Variants in RAB25 observed in about 807,000 individuals in gnomAD.
RAB25 encodes the protein ras-related protein Rab-25.
RAB25 carries 23 observed loss-of-function variants against 25.2 expected under a neutral mutation model. The observed-to-expected ratio is 0.91, with a 90% confidence interval of 0.66 to 1.29. The LOEUF is 1.29. Among genes scored for constraint, RAB25 ranks in the 50% most tolerant of loss-of-function variants. The pLI is 0.00. For synonymous variants in RAB25, 102 were observed against 111.5 expected (o/e 0.91, Z 0.54); for missense variants, 244 against 277.3 (o/e 0.88, Z 0.85).
At position 156,064,423 on chromosome 1, in the gene RAB25, CT is replaced by C. The variant is rs1203115407; in HGVS notation, c.44-1475del. Among the ~76,000 whole-genome samples, 381 of 131,464 alleles carry C rather than the reference CT, an allele frequency of 2.9e-3. 1 individual carries two copies. Among genetic ancestry groups the C allele is most frequent in the Non-Finnish European group, 4.0e-3 (243 of 60,422 alleles). The allele number at this position is 131,464 out of a possible 152,430, so 86.2% of individuals were successfully genotyped here. A position where few individuals can be genotyped will look rare whatever the true frequency, so the allele number is the denominator to read the frequency against. On this transcript the variant is annotated intron_variant, in intron 1 of 4. Transcript: ENST00000361084. ...ACTTGGCTAATTTTTTTTTCTTTTT[CT>C]TTTTTTTTTTTTGAGTCGGAGTTTC...
At chr1:156,063,339 G>C (rs923040529) in intron 1 of RAB25, among the ~76,000 whole-genome samples, 9 of 152,128 alleles carry the variant, frequency 5.9e-5, no homozygotes, top group Non-Finnish European at 1.3e-4. Context: ...TTTTAGTAGA[G>C]ACAGGGTTTC....
At chr1:156,064,136 A>G (rs914353617) in intron 1 of RAB25, among the ~76,000 whole-genome samples, 3 of 149,860 alleles carry the variant, frequency 2.0e-5, no homozygotes, top group African/African-American at 7.6e-5. Flanking sequence ...ACACACATAT[A>G]CACACACACA....
Position 156,065,970 on chromosome 1 carries a change from A to C in RAB25, c.103A>C (p.Asn35His). The C allele has an allele frequency of 6.2e-7, 1 of 1,613,856 alleles. No individual in the cohort carries two copies. Among genetic ancestry groups the C allele is most frequent in the Non-Finnish European group, 8.5e-7 (1 of 1,179,816 alleles). The part of the protein sequence containing the change: ...KTNLLSRFTR[N>H]EFSHDSRTTI... ...CAATCTACTCTCCCGATTCACGCGCAATGAGTTCAGCCACGACAGCCGCAC... is the reference window on the plus strand; with the variant it reads ...CAATCTACTCTCCCGATTCACGCGCCATGAGTTCAGCCACGACAGCCGCAC... Residue 35 changes from asparagine to histidine, a missense_variant, in exon 2 of 5, where the codon AAT (asparagine) becomes CAT (histidine). Asn to His is a moderately conservative substitution (Grantham distance 68). Transcript: ENST00000361084.
In RAB25 at chr1:156,061,318, C is replaced by T; in HGVS notation, c.-83C>T. The stretch of plus-strand genomic sequence containing the variant: ...GGGGCAGGACCAGATCTTTTGAGAG[C>T]TGAGGGTTGAGGGCATTGAGCCAAC... On this transcript the variant is annotated 5_prime_UTR_variant, in exon 1 of 5. Transcript: ENST00000361084. 1.4e-6 allele frequency: 2 copies of T among 1,392,966 alleles called. No homozygotes were observed. Among genetic ancestry groups the T allele is most frequent in the Admixed American group, 1.7e-5 (1 of 59,268 alleles). 86.3% of individuals were successfully genotyped at this position (1,392,966 alleles called of 1,614,324 possible).
In RAB25 at chr1:156,070,214, T is replaced by G. The variant is rs1337579950; in HGVS notation, c.569T>G (p.Ile190Ser). The change falls in exon 5 of 5, where the codon ATC becomes AGC. Residue 190 changes from isoleucine (I) to serine (S), a missense_variant. Physicochemically the swap from Ile to Ser is moderately radical, Grantham distance 142. Transcript: ENST00000361084. ...CAGAACAGCATCCGGACCAATGCCA[T>G]CACTCTGGGCAGTGCCCAGGCTGGA... ...QRQNSIRTNA[I>S]TLGSAQAGQE... is the part of the protein sequence containing the mutation. 1.2e-6 allele frequency: 2 copies of G among 1,613,972 alleles called. No homozygotes were observed. The highest frequency in any genetic ancestry group is 2.7e-5 in the African/African-American group (2 of 74,902).
At chr1:156,065,602 G>A (rs543537849) in intron 1 of RAB25, among the ~76,000 whole-genome samples, 136 of 152,170 alleles carry the variant, frequency 8.9e-4, no homozygotes, top group African/African-American at 3.1e-3. Flanking sequence ...TAATGTCTCC[G>A]CATGACACTC....
Position 156,061,370 on chromosome 1 carries a change from A to G in RAB25, c.-31A>G. ...CACAGATTTGTCGCCTCTGTCCCCG[A>G]AGACACCTGCACCCTCCATGCGGAG... On this transcript the variant is annotated 5_prime_UTR_variant, in exon 1 of 5. Coordinates refer to ENST00000361084, the MANE Select transcript of RAB25 (RefSeq NM_020387.4). 1 of 1,613,056 alleles carries G rather than the reference A, an allele frequency of 6.2e-7. No homozygotes were observed. Among genetic ancestry groups the G allele is most frequent in the Non-Finnish European group, 8.5e-7 (1 of 1,179,150 alleles).
At position 156,070,381 on chromosome 1, in the gene RAB25, T is replaced by C. The variant is rs969717745; in HGVS notation, c.*94T>C. The C allele has an allele frequency of 2.6e-5, 39 of 1,506,368 alleles. No individual in the cohort carries two copies. The highest frequency in any genetic ancestry group is 3.4e-5 in the Non-Finnish European group (38 of 1,114,784). The allele number at this position is 1,506,368 out of a possible 1,614,324, so 93.3% of individuals were successfully genotyped here. A position where few individuals can be genotyped will look rare whatever the true frequency, so the allele number is the denominator to read the frequency against. On this transcript the variant is annotated 3_prime_UTR_variant, in exon 5 of 5. Coordinates refer to ENST00000361084, the MANE Select transcript of RAB25 (RefSeq NM_020387.4). ...TTTCCTTGCCCTTTGGTTCCAGATATCAGACTGTTCCCTGTTCACAGCACC... is the reference window on the plus strand; with the variant it reads ...TTTCCTTGCCCTTTGGTTCCAGATACCAGACTGTTCCCTGTTCACAGCACC...
At chr1:156,064,576 G>T (rs889220554) in intron 1 of RAB25, among the ~76,000 whole-genome samples, 3 of 152,036 alleles carry the variant, frequency 2.0e-5, no homozygotes, top group Non-Finnish European at 4.4e-5. Flanking sequence ...TACCATGCCT[G>T]GCTAATTTTT....
intron 2 of RAB25, among the ~76,000 whole-genome samples, chr1:156,066,635 A>G (rs1170283978): frequency 6.6e-6 from 1 of 152,136 alleles, no homozygotes; most frequent in Admixed American, 6.5e-5. Context: ...GCCTCCTGAC[A>G]CCACATCCGA....
At chr1:156,068,553 C>A (rs894057172) in intron 3 of RAB25, 90 bp downstream of exon 3, 2 of 1,339,088 alleles carry the variant, frequency 1.5e-6, no homozygotes, top group Non-Finnish European at 1.0e-6. Context: ...ACCCATAGAG[C>A]CCCTAGCCTG....
intron 2 of RAB25, 41 bp downstream of exon 2, chr1:156,066,147 T>G: frequency 7.5e-7 from 1 of 1,339,916 alleles, no homozygotes; most frequent in South Asian, 1.7e-5. Context: ...GTGGGAGTTC[T>G]GGGGAAGTCG....
intron 1 of RAB25, among the ~76,000 whole-genome samples, chr1:156,063,376 C>T (rs1484492802): frequency 6.6e-6 from 1 of 152,182 alleles, no homozygotes; most frequent in African/African-American, 2.4e-5. Flanking sequence ...TGGTCTCGAT[C>T]TCTTGACCTT....
chr1:156,061,335 T>G lies in RAB25; in HGVS notation c.-66T>G. 1.3e-6 allele frequency: 2 copies of G among 1,515,034 alleles called. No individual in the cohort carries two copies. Among genetic ancestry groups the G allele is most frequent in the South Asian group, 2.2e-5 (2 of 88,938 alleles). 93.8% of individuals were successfully genotyped at this position (1,515,034 alleles called of 1,614,324 possible). On this transcript the variant is annotated 5_prime_UTR_variant, in exon 1 of 5. In the 5' UTR this introduces an upstream ATG that the reference lacks. Transcript: ENST00000361084. Reference sequence around the variant, plus strand: ...TTTGAGAGCTGAGGGTTGAGGGCATTGAGCCAACACACAGATTTGTCGCCT... The same window carrying G: ...TTTGAGAGCTGAGGGTTGAGGGCATGGAGCCAACACACAGATTTGTCGCCT...
chr1:156,065,830 C>T (rs1224707892), intron 1 of RAB25, 81 bp from the exon 2 acceptor site: 12 of 1,180,006 alleles, frequency 1.0e-5, no homozygotes. Context: ...TTCCCTTTTT[C>T]TGCTGGGCAG....
intron 1 of RAB25, 22 bp downstream of exon 1, chr1:156,061,465 A>T (rs766118687): frequency 1.2e-6 from 2 of 1,612,238 alleles, no homozygotes; most frequent in East Asian, 2.2e-5. Context: ...TCCCTGAAGC[A>T]AGAGGAAGCC....
chr1:156,062,483 C>T (rs928057609), intron 1 of RAB25, among the ~76,000 whole-genome samples: 12 of 152,164 alleles, frequency 7.9e-5, no homozygotes, highest in Non-Finnish European at 2.9e-5. Context: ...CAACCTCAGC[C>T]CGGCCCCTCC....
intron 1 of RAB25, among the ~76,000 whole-genome samples, chr1:156,063,575 T>C (rs951841931): frequency 1.3e-5 from 2 of 152,212 alleles, no homozygotes; most frequent in Non-Finnish European, 2.9e-5. Context: ...GCTCTGTGAT[T>C]GCCTCACCTT....
At chr1:156,063,126 T>TGGG (rs1391791822) in intron 1 of RAB25, among the ~76,000 whole-genome samples, 1 of 149,710 alleles carries the variant, frequency 6.7e-6, no homozygotes, top group African/African-American at 2.5e-5. Flanking sequence ...GAGAAGAAGT[T>TGGG]GGGGTGTTCA....
Sources: gnomAD v4.1 joint callset for allele counts (sites outside exome capture counted in the v4.1 genomes callset) on GRCh38, gnomAD v4.1.1 for gene constraint, MANE v1.5 for transcripts, NCBI Gene and HGNC (gene_info 2026-07-23, HGNC 2026-07-21) for gene names.